Variants in CADM2 observed in about 807,000 individuals in gnomAD.
CADM2 encodes immunoglobulin superfamily member 4D.
In CADM2, 12 loss-of-function variants were observed where a neutral mutation model predicts 49.8. The observed-to-expected ratio is 0.24, with a 90% CI of 0.15 to 0.39. The LOEUF is 0.39. Among genes scored for constraint, CADM2 ranks in the 10% least tolerant of loss-of-function variants. The pLI is 1.00. For synonymous variants in CADM2, 214 were observed against 175.4 expected (o/e 1.22, Z -1.74); for missense variants, 378 against 492.3 (o/e 0.77, Z 2.20).
At chr3:85,837,966 C>T (rs990351582) in intron 3 of CADM2, among the ~76,000 whole-genome samples, 1 of 151,704 alleles carries the variant, frequency 6.6e-6, no homozygotes, top group Non-Finnish European at 1.5e-5. Context: ...TATAAGCACA[C>T]CAATATGAAT....
intron 2 of CADM2, among the ~76,000 whole-genome samples, chr3:85,789,532 T>G (rs2071204887): frequency 6.6e-6 from 1 of 152,240 alleles, no homozygotes; most frequent in African/African-American, 2.4e-5. Flanking sequence ...TCATTTGCTT[T>G]GGATTCTTTC....
intron 1 of CADM2, among the ~76,000 whole-genome samples, chr3:85,283,956 G>A (rs1449717509): frequency 6.6e-6 from 1 of 152,090 alleles, no homozygotes; most frequent in Non-Finnish European, 1.5e-5. Flanking sequence ...TTGAAGCAGG[G>A]ACAATAATTT....
chr3:85,837,169 T>C (rs2074448457), intron 3 of CADM2, among the ~76,000 whole-genome samples: 1 of 151,596 alleles, frequency 6.6e-6, no homozygotes, highest in African/African-American at 2.4e-5. Flanking sequence ...CAAATTAAAA[T>C]CAGTATGGCT....
intron 4 of CADM2, among the ~76,000 whole-genome samples, chr3:85,885,650 C>T (rs533192425): frequency 6.8e-6 from 1 of 147,236 alleles, no homozygotes; most frequent in South Asian, 2.2e-4. Flanking sequence ...CCACTGCACT[C>T]CAGCCTGGGG....
chr3:85,573,534 A>G (rs2062545168), intron 1 of CADM2, among the ~76,000 whole-genome samples: 1 of 152,088 alleles, frequency 6.6e-6, no homozygotes, highest in East Asian at 1.9e-4. Flanking sequence ...TAATGGCTAT[A>G]TTTCTATTAA....
At chr3:85,319,737 A>G (rs1576342883) in intron 1 of CADM2, among the ~76,000 whole-genome samples, 1 of 152,176 alleles carries the variant, frequency 6.6e-6, no homozygotes, top group African/African-American at 2.4e-5. Context: ...ACACTTGGAC[A>G]TAAAGAGGGG....
At chr3:85,019,864 C>T (rs965499689) in intron 1 of CADM2, among the ~76,000 whole-genome samples, 1 of 152,114 alleles carries the variant, frequency 6.6e-6, no homozygotes, top group Non-Finnish European at 1.5e-5. Flanking sequence ...GAATGGTTAA[C>T]GTCCAGTTCA....
intron 1 of CADM2, among the ~76,000 whole-genome samples, chr3:85,075,120 A>G (rs1181354741): frequency 6.6e-6 from 1 of 152,150 alleles, no homozygotes; most frequent in African/African-American, 2.4e-5. Context: ...AATATTTGAG[A>G]CAATGAATAC....
At chr3:85,436,434 C>T (rs371499984) in intron 1 of CADM2, among the ~76,000 whole-genome samples, 5 of 152,076 alleles carry the variant, frequency 3.3e-5, no homozygotes, top group African/African-American at 1.2e-4. Context: ...TGCCTGATTG[C>T]CCTGAAATAC....
At chr3:85,775,375 T>C (rs1472232662) in intron 2 of CADM2, among the ~76,000 whole-genome samples, 2 of 151,772 alleles carry the variant, frequency 1.3e-5, no homozygotes, top group Non-Finnish European at 3.0e-5. Context: ...ACTACTGATA[T>C]CATCAGTTGT....
At chr3:85,087,050 A>G (rs1336666743) in intron 1 of CADM2, among the ~76,000 whole-genome samples, 1 of 152,182 alleles carries the variant, frequency 6.6e-6, no homozygotes, top group Non-Finnish European at 1.5e-5. Flanking sequence ...TACACATAAA[A>G]CATAAAGATA....
intron 8 of CADM2, among the ~76,000 whole-genome samples, chr3:86,044,690 A>C (rs1354725851): frequency 6.6e-6 from 1 of 152,154 alleles, no homozygotes; most frequent in Admixed American, 6.5e-5. Context: ...ATACCATTTA[A>C]CCCAGCCATC....
At position 86,030,895 on chromosome 3, in the gene CADM2, T is replaced by G. The variant is rs552520709; in HGVS notation, c.971-34710T>G. On this transcript the variant is annotated intron_variant, in intron 8 of 9. Coordinates refer to ENST00000383699, the MANE Select transcript of CADM2 (RefSeq NM_001167675.2). ...TGCCAGTTACTTTCATCTGCCAAGTTACTCAATAAGAGTAATTTGTTTAAA... is the reference window on the plus strand; with the variant it reads ...TGCCAGTTACTTTCATCTGCCAAGTGACTCAATAAGAGTAATTTGTTTAAA... 6.6e-5 allele frequency among the ~76,000 whole-genome samples: 10 copies of G among 152,078 alleles called. No homozygotes were observed. In the East Asian group the frequency reaches 1.9e-3, roughly 29 times the overall value.
intron 1 of CADM2, among the ~76,000 whole-genome samples, chr3:85,045,412 T>C (rs1283836901): frequency 6.6e-6 from 1 of 152,158 alleles, no homozygotes; most frequent in African/African-American, 2.4e-5. Flanking sequence ...TTTTCTTCTT[T>C]GTGCTCATGC....
chr3:85,495,293 T>C (rs1478636316), intron 1 of CADM2, among the ~76,000 whole-genome samples: 1 of 152,162 alleles, frequency 6.6e-6, no homozygotes, highest in Non-Finnish European at 1.5e-5. Context: ...ATGATCTGCA[T>C]TTTTGTAAGA....
chr3:85,181,362 C>T (rs1576058493), intron 1 of CADM2, among the ~76,000 whole-genome samples: 1 of 151,984 alleles, frequency 6.6e-6, no homozygotes, highest in East Asian at 1.9e-4. Flanking sequence ...TAGATGCCAT[C>T]CTCATGTTGG....
intron 1 of CADM2, among the ~76,000 whole-genome samples, chr3:85,345,354 G>A (rs1309216695): frequency 2.1e-5 from 3 of 143,506 alleles, no homozygotes; most frequent in East Asian, 4.1e-4. Context: ...AAAATGCCCT[G>A]AATCAAAAAT....
At chr3:85,006,933 G>T (rs2107236161) in intron 1 of CADM2, among the ~76,000 whole-genome samples, 1 of 152,080 alleles carries the variant, frequency 6.6e-6, no homozygotes, top group South Asian at 2.1e-4. Context: ...TTCGTGCATT[G>T]ATTATCCCTT....
At chr3:85,560,036 G>T (rs903003444) in intron 1 of CADM2, among the ~76,000 whole-genome samples, 1 of 152,100 alleles carries the variant, frequency 6.6e-6, no homozygotes, top group African/African-American at 2.4e-5. Flanking sequence ...CCAATTTCAA[G>T]AATTAATTCG....
Sources: gnomAD v4.1 joint callset for allele counts (sites outside exome capture counted in the v4.1 genomes callset) on GRCh38, gnomAD v4.1.1 for gene constraint, MANE v1.5 for transcripts, NCBI Gene and HGNC (gene_info 2026-07-23, HGNC 2026-07-21) for gene names.